Variants in CTNNA2 observed in about 807,000 individuals in gnomAD.
The protein encoded by CTNNA2 is catenin alpha-2.
Under a neutral mutation model 101.0 loss-of-function variants are expected in CTNNA2, and 42 were observed. The observed-to-expected ratio is 0.42, with a 90% CI of 0.32 to 0.54. CTNNA2 has a LOEUF of 0.54. CTNNA2 is among the 20% of genes least tolerant of loss of function. The pLI is 0.14. For missense variants in CTNNA2, 871 were observed against 1,223.1 expected (o/e 0.71, Z 4.29); for synonymous variants, 450 against 456.4 (o/e 0.99, Z 0.18).
At chr2:80,212,117 GC>G (rs749010471) in intron 7 of CTNNA2, among the ~76,000 whole-genome samples, 8 of 152,148 alleles carry the variant, frequency 5.3e-5, no homozygotes, top group Non-Finnish European at 1.0e-4. Flanking sequence ...GAGATTTTGG[GC>G]GGAGACAATG....
At chr2:80,482,846 G>A (rs531022040) in intron 9 of CTNNA2, among the ~76,000 whole-genome samples, 110 of 152,178 alleles carry the variant, frequency 7.2e-4, no homozygotes, top group Middle Eastern at 3.4e-3. Context: ...AGTTGTGCCC[G>A]CTTCAGAACA....
intron 3 of CTNNA2, among the ~76,000 whole-genome samples, chr2:79,353,614 T>C (rs1677441594): frequency 6.6e-6 from 1 of 152,164 alleles, no homozygotes; most frequent in Admixed American, 6.5e-5. Flanking sequence ...TCTTGTTTCT[T>C]TATTCCACTT....
intron 8 of CTNNA2, among the ~76,000 whole-genome samples, chr2:80,398,574 G>T (rs951621415): frequency 3.3e-5 from 5 of 151,932 alleles, no homozygotes; most frequent in Non-Finnish European, 5.9e-5. Flanking sequence ...GGGATCAGAG[G>T]CTGGGCATGG....
intron 12 of CTNNA2, among the ~76,000 whole-genome samples, chr2:80,568,566 C>CGTGT (rs36104924): frequency 0.016 from 2,445 of 149,396 alleles, 31 homozygotes; most frequent in South Asian, 0.02. Flanking sequence ...TAATGGTGTG[C>CGTGT]GTGTGTGTGT....
At chr2:80,339,889 C>A (rs1672080406) in intron 7 of CTNNA2, among the ~76,000 whole-genome samples, 1 of 152,102 alleles carries the variant, frequency 6.6e-6, no homozygotes, top group African/African-American at 2.4e-5. Context: ...AAGCAAGTAA[C>A]TCCTTTTGTG....
chr2:79,771,314 C>T (rs983552813), intron 3 of CTNNA2, among the ~76,000 whole-genome samples: 1 of 152,116 alleles, frequency 6.6e-6, no homozygotes, highest in African/African-American at 2.4e-5. Flanking sequence ...CTCAGCGGTC[C>T]CAACCTTTCT....
chr2:79,443,647 T>G (rs2104520533), intron 4 of CTNNA2, among the ~76,000 whole-genome samples: 1 of 152,208 alleles, frequency 6.6e-6, no homozygotes, highest in Non-Finnish European at 1.5e-5. Context: ...AAACCTTCTC[T>G]GACACAATTC....
chr2:79,348,423 G>C (rs541497196), intron 3 of CTNNA2, among the ~76,000 whole-genome samples: 2 of 152,272 alleles, frequency 1.3e-5, no homozygotes, highest in Non-Finnish European at 2.9e-5. Flanking sequence ...TCTGAGAGTA[G>C]AACCTATCAC....
intron 12 of CTNNA2, among the ~76,000 whole-genome samples, chr2:80,567,184 T>A (rs1233840023): frequency 6.6e-6 from 1 of 152,164 alleles, no homozygotes; most frequent in Non-Finnish European, 1.5e-5. Flanking sequence ...GTCCCCCGTG[T>A]AGGGGTGAAT....
intron 1 of CTNNA2, among the ~76,000 whole-genome samples, chr2:79,188,423 C>T (rs1160628792): frequency 6.6e-6 from 1 of 152,156 alleles, no homozygotes; most frequent in Non-Finnish European, 1.5e-5. Context: ...GAAGTGTCAC[C>T]TGGGGCACTT....
chr2:80,277,409 A>G (rs141585134), intron 7 of CTNNA2, among the ~76,000 whole-genome samples: 5 of 152,142 alleles, frequency 3.3e-5, no homozygotes, highest in African/African-American at 1.2e-4. Flanking sequence ...TGATTGCATG[A>G]TTGCTCTTTC....
chr2:79,508,065 A>T (rs941916998), upstream of CTNNA2, among the ~76,000 whole-genome samples: 1 of 152,178 alleles, frequency 6.6e-6, no homozygotes, highest in African/African-American at 2.4e-5. Flanking sequence ...CTTCCTGCAT[A>T]AGGTCACAGG....
intron 3 of CTNNA2, among the ~76,000 whole-genome samples, chr2:79,345,992 G>A (rs1353018286): frequency 6.6e-6 from 1 of 151,764 alleles, no homozygotes; most frequent in African/African-American, 2.4e-5. Flanking sequence ...GAGCCACCGT[G>A]TCCGGCCAAA....
chr2:80,029,072 ATTG>A (rs1695121854), intron 7 of CTNNA2, among the ~76,000 whole-genome samples: 1 of 152,172 alleles, frequency 6.6e-6, no homozygotes, highest in African/African-American at 2.4e-5. Flanking sequence ...AGTCCAAACA[ATTG>A]TTGTTAATGG....
chr2:79,796,539 C>T (rs1426952359), intron 3 of CTNNA2, among the ~76,000 whole-genome samples: 1 of 152,124 alleles, frequency 6.6e-6, no homozygotes, highest in African/African-American at 2.4e-5. Flanking sequence ...TGACTCCTGA[C>T]CACAAGCGGG....
chr2:80,291,168 G>A (rs1305193973), intron 7 of CTNNA2, among the ~76,000 whole-genome samples: 1 of 152,240 alleles, frequency 6.6e-6, no homozygotes, highest in Non-Finnish European at 1.5e-5. Context: ...GTGGGATTTA[G>A]TAGATCTCTA....
At chr2:79,586,304 C>G (rs1676482009) in intron 1 of CTNNA2, among the ~76,000 whole-genome samples, 1 of 152,112 alleles carries the variant, frequency 6.6e-6, no homozygotes, top group South Asian at 2.1e-4. Context: ...AAACTCTGCC[C>G]TCCCTTCTTA....
intron 7 of CTNNA2, among the ~76,000 whole-genome samples, chr2:80,002,877 T>G (rs1693053126): frequency 6.6e-6 from 1 of 152,112 alleles, no homozygotes; most frequent in African/African-American, 2.4e-5. Flanking sequence ...TTTCCCTCCC[T>G]CCCTTTATTT....
chr2:79,611,924 T>G (rs2195678), intron 1 of CTNNA2, among the ~76,000 whole-genome samples: 16,027 of 152,140 alleles, frequency 0.11, 1,235 homozygotes, highest in African/African-American at 0.21. Flanking sequence ...GAAGGGCTGT[T>G]TTAAATGTCA....
Sources: allele counts gnomAD v4.1 joint callset (sites outside exome capture counted in the v4.1 genomes callset), GRCh38; gene constraint gnomAD v4.1.1; transcripts MANE v1.5; gene names NCBI Gene and HGNC (gene_info 2026-07-23, HGNC 2026-07-21).